The following CHSY1 variants were observed in gnomAD, a reference collection of about 807,000 sequenced individuals.
CHSY1 encodes N-acetylgalactosaminyl-proteoglycan 3-beta-glucuronosyltransferase 1.
A neutral mutation model predicts 59.8 loss-of-function variants in CHSY1; 13 were observed. That is an observed-to-expected ratio of 0.22 (90% CI 0.14 to 0.35). CHSY1 has a LOEUF of 0.35. CHSY1 is among the 10% of genes least tolerant of loss of function. CHSY1 has a pLI of 1.00. For missense variants in CHSY1, 947 were observed against 1,030.6 expected, an observed-to-expected ratio of 0.92 and a Z score of 1.11; for synonymous variants, 459 against 401.2, an observed-to-expected ratio of 1.14 and a Z score of -1.72.
At chr15:101,249,570 G>A (rs1374192817) in intron 1 of CHSY1, among the ~76,000 whole-genome samples, 4 of 144,860 alleles carry the variant, frequency 2.8e-5, no homozygotes, top group Admixed American at 7.1e-5. Flanking sequence ...CTGGAGTGCA[G>A]TGGCATGATC....
At chr15:101,200,951 C>A (rs1201355247) in intron 2 of CHSY1, among the ~76,000 whole-genome samples, 1 of 152,170 alleles carries the variant, frequency 6.6e-6, no homozygotes, top group Non-Finnish European at 1.5e-5. Flanking sequence ...GGTTCTCCCT[C>A]GCCATGTGTG....
chr15:101,247,556 G>A (rs1012494938), intron 1 of CHSY1, among the ~76,000 whole-genome samples: 5 of 152,180 alleles, frequency 3.3e-5, no homozygotes, highest in Admixed American at 1.3e-4. Flanking sequence ...GCATGCATGT[G>A]CTTTACAAAG....
chr15:101,243,736 G>A (rs901792191), intron 1 of CHSY1, among the ~76,000 whole-genome samples: 8 of 152,192 alleles, frequency 5.3e-5, no homozygotes, highest in Non-Finnish European at 8.8e-5. Context: ...AAAACCTGCC[G>A]GTCAAGGACA....
At chr15:101,212,508 C>T (rs1466005797) in intron 2 of CHSY1, among the ~76,000 whole-genome samples, 1 of 152,136 alleles carries the variant, frequency 6.6e-6, no homozygotes, top group Non-Finnish European at 1.5e-5. Flanking sequence ...GTGAGAGAAG[C>T]CTTATACAAG....
chr15:101,187,125 C>A (rs575978612), intron 2 of CHSY1, among the ~76,000 whole-genome samples: 1 of 152,126 alleles, frequency 6.6e-6, no homozygotes, highest in Non-Finnish European at 1.5e-5. Flanking sequence ...GTTATAAATA[C>A]GAGATTCTTA....
chr15:101,246,386 T>A (rs144678616), intron 1 of CHSY1, among the ~76,000 whole-genome samples: 3 of 148,370 alleles, frequency 2.0e-5, no homozygotes, highest in African/African-American at 7.5e-5. Context: ...AAACGTTGAT[T>A]AAAAAAATCT....
intron 2 of CHSY1, 116 bp from the exon 3 acceptor site, chr15:101,179,096 G>A: frequency 9.8e-7 from 1 of 1,024,850 alleles, no homozygotes; most frequent in South Asian, 1.3e-5. Context: ...GCACACAAAA[G>A]GCCCTAGATA....
In CHSY1 at chr15:101,214,150, T is replaced by C. The variant is rs529504661; in HGVS notation, c.816+20932A>G. Among the ~76,000 whole-genome samples, 5 of 152,298 alleles carry C rather than the reference T, an allele frequency of 3.3e-5. No individual in the cohort carries two copies. In the South Asian group the frequency reaches 6.2e-4, roughly 19 times the overall value. On this transcript the variant is annotated intron_variant, in intron 2 of 2. Coordinates refer to ENST00000254190, the MANE Select transcript of CHSY1 (RefSeq NM_014918.5). ...ACTGTTTCTGTGCTGTGTACAGACA[T>C]CAGGGTGTGTATGTGTGTCTGCTGT...
At chr15:101,198,683 C>A (rs1441523580) in intron 2 of CHSY1, among the ~76,000 whole-genome samples, 1 of 152,192 alleles carries the variant, frequency 6.6e-6, no homozygotes, top group Non-Finnish European at 1.5e-5. Flanking sequence ...TAGTACCAGG[C>A]CCAAAACAGA....
intron 2 of CHSY1, among the ~76,000 whole-genome samples, chr15:101,227,758 G>A (rs1288611300): frequency 6.6e-6 from 1 of 152,222 alleles, no homozygotes; most frequent in Non-Finnish European, 1.5e-5. Context: ...CCTCAGCAAA[G>A]AGCCAATAAC....
At chr15:101,246,001 G>A (rs1016821773) in intron 1 of CHSY1, among the ~76,000 whole-genome samples, 3 of 152,204 alleles carry the variant, frequency 2.0e-5, no homozygotes, top group Non-Finnish European at 4.4e-5. Context: ...TTATAAGATA[G>A]GAGGATCTCA....
chr15:101,197,990 G>A (rs112386286), intron 2 of CHSY1, among the ~76,000 whole-genome samples: 530 of 152,218 alleles, frequency 3.5e-3, no homozygotes, highest in African/African-American at 0.012. Flanking sequence ...ATTTGTTTCC[G>A]TCACGTCGCA....
chr15:101,251,061 A>T, intron 1 of CHSY1, 76 bp downstream of exon 1: 1 of 1,390,584 alleles, frequency 7.2e-7, no homozygotes. Context: ...CGGAGGCGAG[A>T]GCCAGGAGAG....
intron 2 of CHSY1, among the ~76,000 whole-genome samples, chr15:101,181,400 C>T (rs549349901): frequency 2.0e-4 from 30 of 152,198 alleles, no homozygotes; most frequent in Admixed American, 1.9e-3. Context: ...ACAATGAACA[C>T]GAAGAACCAT....
Position 101,178,126 on chromosome 15 carries a change from C to T in CHSY1, c.1671G>A (p.Thr557=), listed in dbSNP as rs144268167. ...TGACGTTCTGATTGGGGATAAGACA[C>T]GTCTTCTCAAAGTTTCCCATAAATC... ...FVRFMGNFEK[T]CLIPNQNVKL... The change falls in exon 3 of 3, where the codon ACG becomes ACA. Residue 557 remains threonine, a synonymous_variant. Transcript: ENST00000254190. The T allele has an allele frequency of 2.5e-5, 40 of 1,614,054 alleles. No individual in the cohort carries two copies. Among genetic ancestry groups the T allele is most frequent in the East Asian group, 1.8e-4 (8 of 44,896 alleles).
Position 101,251,388 on chromosome 15 carries a change from G to C in CHSY1, c.69C>G (p.Ala23=). Residue 23 remains alanine (A), a synonymous_variant, in exon 1 of 3, where the codon GCC becomes GCG. Transcript: ENST00000254190. The stretch of plus-strand genomic sequence containing the variant: ...AAGCCCGGGGCAGGACGAGCCGCGA[G>C]GCCAGCACGAAGCCCAGGACGAGCC... ...LLGLVLGFVL[A]SRLVLPRASE... is the part of the protein sequence containing the mutation. 5 of 1,168,588 alleles carry C rather than the reference G, an allele frequency of 4.3e-6. No individual in the cohort carries two copies. The highest frequency in any genetic ancestry group is 5.4e-6 in the Non-Finnish European group (5 of 927,228). The allele number at this position is 1,168,588 out of a possible 1,614,324, so 72.4% of individuals were successfully genotyped here. A position where few individuals can be genotyped will look rare whatever the true frequency, so the allele number is the denominator to read the frequency against.
chr15:101,211,012 A>G (rs138809903), intron 2 of CHSY1, among the ~76,000 whole-genome samples: 1 of 152,316 alleles, frequency 6.6e-6, no homozygotes, highest in African/African-American at 2.4e-5. Flanking sequence ...ATTAAAATAC[A>G]CAGCTAAAAG....
At chr15:101,237,456 C>T (rs1022980281) in intron 1 of CHSY1, among the ~76,000 whole-genome samples, 1 of 152,148 alleles carries the variant, frequency 6.6e-6, no homozygotes, top group South Asian at 2.1e-4. Context: ...GCAGCCCAGA[C>T]CCGGGTTTAA....
Position 101,177,307 on chromosome 15 carries a change from G to A in CHSY1, c.*81C>T. 7.5e-7 allele frequency: 1 copy of A among 1,340,720 alleles called. No individual in the cohort carries two copies. Among genetic ancestry groups the A allele is most frequent in the Non-Finnish European group, 1.0e-6 (1 of 968,416 alleles). The allele number at this position is 1,340,720 out of a possible 1,614,324, so 83.1% of individuals were successfully genotyped here. A position where few individuals can be genotyped will look rare whatever the true frequency, so the allele number is the denominator to read the frequency against. On this transcript the variant is annotated 3_prime_UTR_variant, in exon 3 of 3. Transcript: ENST00000254190. ...CTTGTAAAATATATCCTTGTATACG[G>A]ACTTCAAAAACTGATCATACAAAAA...
Sources: gnomAD v4.1 joint callset for allele counts (sites outside exome capture counted in the v4.1 genomes callset) on GRCh38, gnomAD v4.1.1 for gene constraint, MANE v1.5 for transcripts, NCBI Gene and HGNC (gene_info 2026-07-23, HGNC 2026-07-21) for gene names.